The following LMOD3 variants were observed in gnomAD, a reference collection of about 807,000 sequenced individuals.
The protein encoded by LMOD3 is leiomodin 3.
A neutral mutation model predicts 41.8 loss-of-function variants in LMOD3; 31 were observed. The ratio of observed to expected loss-of-function variants is 0.74; its 90% CI spans 0.56 to 1.00. The LOEUF is 1.00. Among genes scored for constraint, LMOD3 ranks in the 50% least tolerant of loss-of-function variants. LMOD3 has a pLI of 0.00. For synonymous variants in LMOD3, 292 were observed against 241.9 expected (o/e 1.21, Z -1.92); for missense variants, 755 against 679.5 (o/e 1.11, Z -1.23).
intron 2 of LMOD3, among the ~76,000 whole-genome samples, chr3:69,110,578 G>A (rs1170418538): frequency 1.3e-5 from 2 of 149,468 alleles, no homozygotes; most frequent in African/African-American, 4.9e-5. Flanking sequence ...CGCGGTGGCT[G>A]ACGCCTGTAA....
In LMOD3 at chr3:69,119,071, A is replaced by AG. The variant is rs1172467960; in HGVS notation, c.1283dup (p.Gly429TrpfsTer35). ...GTCCTCCCAACAGCTCCCACATCCC[A>AG]GGGGGCAGCCCCAACCCATTCTCTA... On this transcript the variant is annotated frameshift_variant, in exon 2 of 3. Coordinates refer to ENST00000420581, the MANE Select transcript of LMOD3 (RefSeq NM_198271.5). LOFTEE classifies it high-confidence loss of function. 1.2e-6 allele frequency: 2 copies of AG among 1,613,560 alleles called. No homozygotes were observed. The highest frequency in any genetic ancestry group is 2.2e-5 in the East Asian group (1 of 44,874).
intron 2 of LMOD3, among the ~76,000 whole-genome samples, chr3:69,110,853 A>AAAAAAAAAAAAAAAAATATAT (rs1458630453): frequency 1.9e-5 from 2 of 104,124 alleles, no homozygotes; most frequent in African/African-American, 9.6e-5. Context: ...AAAAAAAAAA[A>AAAAAAAAAAAAAAAAATATAT]ATATATATAT....
Position 69,118,683 on chromosome 3 carries a change from C to A in LMOD3, c.1656+16G>T. The A allele has an allele frequency of 6.2e-7, 1 of 1,600,422 alleles. No individual in the cohort carries two copies. The stretch of plus-strand genomic sequence containing the variant: ...TGGAGGGTGCTCAGTCACCATTTCT[C>A]CCTCCTTCTACTTACAGGTTTAAGA... On this transcript the variant is annotated intron_variant, in intron 2 of 2. Coordinates refer to ENST00000420581, the MANE Select transcript of LMOD3 (RefSeq NM_198271.5).
Position 69,119,554 on chromosome 3 carries a change from G to A in LMOD3, c.801C>T (p.Pro267=), listed in dbSNP as rs2092396426. The change falls in exon 2 of 3, where the codon CCC becomes CCT. Residue 267 remains proline, a synonymous_variant. Transcript: ENST00000420581. ...TGACAAAGTCCAGTAACATTTCTTT[G>A]GGGATGTTTTCAATGTTGTTCAGGT... is the stretch of plus-strand genomic sequence containing the variant. ...ELNLNNIENI[P]KEMLLDFVNA... The A allele has an allele frequency of 2.5e-6, 4 of 1,613,780 alleles. No homozygotes were observed. Among genetic ancestry groups the A allele is most frequent in the Non-Finnish European group, 3.4e-6 (4 of 1,179,864 alleles).
At position 69,119,087 on chromosome 3, in the gene LMOD3, C is replaced by G. The variant is rs778368499; in HGVS notation, c.1268G>C (p.Gly423Ala). ...QKKLIAMLENGLGLPPGMWEL... is the reference protein window; with the variant it reads ...QKKLIAMLENALGLPPGMWEL... ...CCACATCCCAGGGGGCAGCCCCAAC[C>G]CATTCTCTAACATGGCTATCAGCTT... The change falls in exon 2 of 3, where the codon GGG becomes GCG. Residue 423 changes from glycine to alanine, a missense_variant. Gly to Ala is a moderately conservative substitution (Grantham distance 60). Coordinates refer to ENST00000420581, the MANE Select transcript of LMOD3 (RefSeq NM_198271.5). 1 of 1,613,756 alleles carries G rather than the reference C, an allele frequency of 6.2e-7. No individual in the cohort carries two copies. The highest frequency in any genetic ancestry group is 8.5e-7 in the Non-Finnish European group (1 of 1,179,874).
chr3:69,115,896 C>T (rs2092370206), intron 2 of LMOD3, among the ~76,000 whole-genome samples: 1 of 152,158 alleles, frequency 6.6e-6, no homozygotes, highest in African/African-American at 2.4e-5. Context: ...CAAGTGTGAA[C>T]ACATCATAGC....
Position 69,120,060 on chromosome 3 carries a change from C to A in LMOD3, c.295G>T (p.Glu99Ter), listed in dbSNP as rs748440441. The part of the protein sequence containing the change: ...RVPVTFVKSE[E>*]KTQEEHEEIE... ...TCTTCATGCTCTTCTTGAGTCTTTT[C>A]CTACAAGAGAGGTTTATGAGGGTTA... Residue 99 changes from glutamate to a stop codon, truncating the protein, a stop_gained and splice_region_variant, in exon 2 of 3, where the codon GAA (glutamate) becomes TAA (stop). Transcript: ENST00000420581. LOFTEE classifies it high-confidence loss of function. 6.3e-7 allele frequency: 1 copy of A among 1,591,806 alleles called. No individual in the cohort carries two copies.
intron 2 of LMOD3, among the ~76,000 whole-genome samples, chr3:69,110,838 C>CAAAAAAAAAAAAA (rs774402446): frequency 6.0e-5 from 4 of 67,012 alleles, no homozygotes; most frequent in African/African-American, 2.5e-4. Flanking sequence ...GACACCATCT[C>CAAAAAAAAAAAAA]AAAAAAAAAA....
At chr3:69,109,927 G>T (rs1010160704) in intron 2 of LMOD3, among the ~76,000 whole-genome samples, 9 of 152,130 alleles carry the variant, frequency 5.9e-5, no homozygotes, top group Admixed American at 2.6e-4. Flanking sequence ...ATACAGCTAG[G>T]AAGTGGCAGA....
At position 69,118,837 on chromosome 3, in the gene LMOD3, G is replaced by A. The variant is rs377380955; in HGVS notation, c.1518C>T (p.Pro506=). The part of the protein sequence containing the change: ...KSRMPEAREP[P]EKTNLKDVIK... ...TGACATCTTTGAGGTTGGTTTTCTC[G>A]GGTGGTTCTCTGGCTTCCGGCATCC... is the stretch of plus-strand genomic sequence containing the variant. Residue 506 remains proline (P), a synonymous_variant, in exon 2 of 3, where the codon CCC becomes CCT. Coordinates refer to ENST00000420581, the MANE Select transcript of LMOD3 (RefSeq NM_198271.5). 15 of 1,608,980 alleles carry A rather than the reference G, an allele frequency of 9.3e-6. No homozygotes were observed. The highest frequency in any genetic ancestry group is 1.1e-5 in the South Asian group (1 of 90,630).
intron 2 of LMOD3, among the ~76,000 whole-genome samples, chr3:69,118,485 A>T (rs2107525471): frequency 6.6e-6 from 1 of 152,246 alleles, no homozygotes; most frequent in African/African-American, 2.4e-5. Flanking sequence ...TATCGTTGTT[A>T]CAGAAGTCAT....
In LMOD3 at chr3:69,116,292, T is replaced by C. The variant is rs374957362; in HGVS notation, c.1656+2407A>G. Among the ~76,000 whole-genome samples, 26 of 152,332 alleles carry C rather than the reference T, an allele frequency of 1.7e-4. No individual in the cohort carries two copies. In the South Asian group the frequency reaches 3.3e-3, roughly 19 times the overall value. On this transcript the variant is annotated intron_variant, in intron 2 of 2. Transcript: ENST00000420581. ...TTCCAGGACCGAATAGATGAAGTTGTGTGACATTTTGTAACTGAGACACAT... is the reference window on the plus strand; with the variant it reads ...TTCCAGGACCGAATAGATGAAGTTGCGTGACATTTTGTAACTGAGACACAT...
In LMOD3 at chr3:69,119,239, C is replaced by T; in HGVS notation, c.1116G>A (p.Lys372=). ...RLLKANNTLL[K]MGYHFELPGP... ...CCGGAAGCTCAAAATGGTAGCCCAT[C>T]TTCAGGAGAGTGTTGTTTGCCTTCA... The change falls in exon 2 of 3, where the codon AAG becomes AAA. Residue 372 remains lysine, a synonymous_variant. Coordinates refer to ENST00000420581, the MANE Select transcript of LMOD3 (RefSeq NM_198271.5). 1.9e-6 allele frequency: 3 copies of T among 1,613,924 alleles called. No individual in the cohort carries two copies. The highest frequency in any genetic ancestry group is 2.5e-6 in the Non-Finnish European group (3 of 1,179,886).
chr3:69,110,826 G>T (rs1201217475), intron 2 of LMOD3, among the ~76,000 whole-genome samples: 1 of 102,686 alleles, frequency 9.7e-6, no homozygotes, highest in Non-Finnish European at 1.7e-5. Context: ...CTGGGCAACA[G>T]AGACACCATC....
chr3:69,121,971 A>T, intron 1 of LMOD3, 122 bp downstream of exon 1: 1 of 724,504 alleles, frequency 1.4e-6, no homozygotes. Context: ...GGTTTAATCT[A>T]GATATGGCAA....
intron 2 of LMOD3, among the ~76,000 whole-genome samples, chr3:69,115,978 T>C (rs1177953126): frequency 6.6e-6 from 1 of 152,212 alleles, no homozygotes; most frequent in Non-Finnish European, 1.5e-5. Context: ...TATTGCCTCT[T>C]AAAATAGCTT....
Position 69,109,069 on chromosome 3 carries a change from GTTC to G in LMOD3, c.*23_*25del, listed in dbSNP as rs759211507. 5.7e-6 allele frequency: 9 copies of G among 1,582,262 alleles called. 1 individual carries two copies. The South Asian group carries it at 1.0e-4, about 18-fold the overall frequency. ...CCAAGAGTCACTATTTCCATTTCTT[GTTC>G]TTCTAGATGGCTCTGTTGCCTCTTA... On this transcript the variant is annotated 3_prime_UTR_variant, in exon 3 of 3. Transcript: ENST00000420581.
In LMOD3 at chr3:69,122,226, T is replaced by C; in HGVS notation, c.161A>G (p.Gln54Arg). The change falls in exon 1 of 3, where the codon CAG becomes CGG. Residue 54 changes from glutamine (Q) to arginine (R), a missense_variant. Gln to Arg is a conservative substitution (Grantham distance 43). Coordinates refer to ENST00000420581, the MANE Select transcript of LMOD3 (RefSeq NM_198271.5). ...CGGTGGCTTGTCAGTTTGATCTTTC[T>C]GAATCATTCCCACGGGAAGGCTGGG... ...PDPSLPVGMI[Q>R]KDQTDKPPTG... 6.2e-7 allele frequency: 1 copy of C among 1,613,658 alleles called. No individual in the cohort carries two copies.
chr3:69,116,124 A>T (rs1202427246), intron 2 of LMOD3, among the ~76,000 whole-genome samples: 2 of 152,270 alleles, frequency 1.3e-5, no homozygotes, highest in Non-Finnish European at 2.9e-5. Context: ...TTAAAAGATT[A>T]TACTATGTTT....
Sources: gnomAD v4.1 joint callset for allele counts (sites outside exome capture counted in the v4.1 genomes callset) on GRCh38, gnomAD v4.1.1 for gene constraint, MANE v1.5 for transcripts, NCBI Gene and HGNC (gene_info 2026-07-23, HGNC 2026-07-21) for gene names.